The following HGD variants were observed in gnomAD, a reference collection of about 807,000 sequenced individuals.
The protein encoded by HGD is homogentisate oxidase.
A neutral mutation model predicts 60.8 loss-of-function variants in HGD; 61 were observed. That is an observed-to-expected ratio of 1.00 (90% CI 0.82 to 1.24). The LOEUF (loss-of-function observed/expected upper bound fraction) is 1.24, where lower values mean the gene tolerates loss of function less well. Among genes scored for constraint, HGD ranks in the 50% most tolerant of loss-of-function variants. HGD has a pLI of 0.00. For synonymous variants in HGD, 212 were observed against 187.7 expected (o/e 1.13, Z -1.06); for missense variants, 542 against 547.1 (o/e 0.99, Z 0.09).
Position 120,641,792 on chromosome 3 carries a change from T to C in HGD, c.775-99A>G, listed in dbSNP as rs967877166. 1.2e-5 allele frequency: 10 copies of C among 843,108 alleles called. No individual in the cohort carries two copies. The Admixed American group carries it at 1.8e-4, about 15-fold the overall frequency. The allele number at this position is 843,108 out of a possible 1,614,324, so 52.2% of individuals were successfully genotyped here. A position where few individuals can be genotyped will look rare whatever the true frequency, so the allele number is the denominator to read the frequency against. ...GAGTATACCTCTCTCTTCTTTTGATTTGATTTTGTTCTCGATTTAATTTTA... is the reference window on the plus strand; with the variant it reads ...GAGTATACCTCTCTCTTCTTTTGATCTGATTTTGTTCTCGATTTAATTTTA... On this transcript the variant is annotated intron_variant, in intron 10 of 13. Transcript: ENST00000283871.
intron 12 of HGD, among the ~76,000 whole-genome samples, chr3:120,634,537 C>G (rs759259319): frequency 1.3e-5 from 2 of 151,908 alleles, no homozygotes; most frequent in Non-Finnish European, 1.5e-5. Context: ...TAACATGAGA[C>G]AGAGATGAAT....
At chr3:120,671,872 C>T (rs1020758946) in intron 3 of HGD, among the ~76,000 whole-genome samples, 10 of 151,914 alleles carry the variant, frequency 6.6e-5, no homozygotes, top group African/African-American at 4.8e-5. Context: ...ATATTCTCAG[C>T]GAACTAAAGC....
chr3:120,643,869 C>G (rs1334238076), intron 10 of HGD, among the ~76,000 whole-genome samples: 2 of 152,162 alleles, frequency 1.3e-5, no homozygotes, highest in Non-Finnish European at 2.9e-5. Flanking sequence ...TAACTGAATT[C>G]TACTTGTTTT....
intron 3 of HGD, among the ~76,000 whole-genome samples, chr3:120,673,860 G>GCTATGAAATAC (rs1708073284): frequency 6.6e-6 from 1 of 152,128 alleles, no homozygotes; most frequent in East Asian, 1.9e-4. Flanking sequence ...CCTCACCACA[G>GCTATGAAATAC]CTATGAAATA....
chr3:120,633,111 C>G, intron 13 of HGD, 36 bp downstream of exon 13: 2 of 1,606,132 alleles, frequency 1.2e-6, no homozygotes, highest in Non-Finnish European at 1.7e-6. Flanking sequence ...GTGGGGAGTT[C>G]AGAGGCCGCT....
At chr3:120,675,218 C>T (rs766756700) in intron 2 of HGD, among the ~76,000 whole-genome samples, 7 of 152,068 alleles carry the variant, frequency 4.6e-5, no homozygotes, top group Admixed American at 2.6e-4. Context: ...CCCATTATCT[C>T]ACAACCAGAA....
intron 2 of HGD, 94 bp downstream of exon 2, chr3:120,675,698 G>T: frequency 2.2e-6 from 2 of 910,018 alleles, no homozygotes; most frequent in African/African-American, 1.6e-5. Context: ...AGGCTAGATT[G>T]GAAGAGCCAC....
intron 4 of HGD, among the ~76,000 whole-genome samples, chr3:120,661,062 TG>T (rs1707752213): frequency 6.6e-6 from 1 of 152,186 alleles, no homozygotes; most frequent in South Asian, 2.1e-4. Flanking sequence ...ATTTTAGAAG[TG>T]AAAAAACTGA....
chr3:120,671,537 G>A (rs1173774191), intron 3 of HGD, among the ~76,000 whole-genome samples: 1 of 152,176 alleles, frequency 6.6e-6, no homozygotes, highest in African/African-American at 2.4e-5. Context: ...TACACTGTTG[G>A]TGGGAATGTA....
intron 9 of HGD, among the ~76,000 whole-genome samples, chr3:120,646,031 G>A (rs1415387866): frequency 2.0e-5 from 3 of 152,006 alleles, no homozygotes; most frequent in East Asian, 1.9e-4. Flanking sequence ...ATTACATGCC[G>A]TCTTTATCTC....
chr3:120,628,302 C>T lies in HGD; in HGVS notation c.*78G>A. ...TTTTCATTTTAACCAACCCCCTCCTCCAATACTACCAGAAAGCATGAGATT... is the reference window on the plus strand; with the variant it reads ...TTTTCATTTTAACCAACCCCCTCCTTCAATACTACCAGAAAGCATGAGATT... On this transcript the variant is annotated 3_prime_UTR_variant, in exon 14 of 14. Coordinates refer to ENST00000283871, the MANE Select transcript of HGD (RefSeq NM_000187.4). 3 of 1,497,004 alleles carry T rather than the reference C, an allele frequency of 2.0e-6. No individual in the cohort carries two copies. In the South Asian group the frequency reaches 3.4e-5, roughly 17 times the overall value. 92.7% of individuals were successfully genotyped at this position (1,497,004 alleles called of 1,614,324 possible).
rs34214309 is a variant in HGD at position 120,638,490 on chromosome 3, A to AC, written c.970dup (p.Val324GlyfsTer3). ...AGGAGGCCTGAAGGTCTTATCAGCA[A>AC]CCCCCCATCGAGGTGGGAAGATGAC... On this transcript the variant is annotated frameshift_variant, in exon 12 of 14. Coordinates refer to ENST00000283871, the MANE Select transcript of HGD (RefSeq NM_000187.4). LOFTEE classifies it high-confidence loss of function. 1.9e-6 allele frequency: 3 copies of AC among 1,613,674 alleles called. No homozygotes were observed. Among genetic ancestry groups the AC allele is most frequent in the Non-Finnish European group, 2.5e-6 (3 of 1,179,882 alleles).
In HGD at chr3:120,650,851, C is replaced by T; in HGVS notation, c.357G>A (p.Leu119=). 2 of 1,613,896 alleles carry T rather than the reference C, an allele frequency of 1.2e-6. No homozygotes were observed. Among genetic ancestry groups the T allele is most frequent in the Non-Finnish European group, 1.7e-6 (2 of 1,179,768 alleles). The change falls in exon 6 of 14, where the codon TTG becomes TTA. Residue 119 remains leucine, a synonymous_variant. Coordinates refer to ENST00000283871, the MANE Select transcript of HGD (RefSeq NM_000187.4). ...TAGACTTTATGTCTCCAGCTCCACA[C>T]AAGGTATGCAGGCCCTGGGAGAGAC... The part of the protein sequence containing the change: ...KVDFVSGLHT[L]CGAGDIKSNN...
rs1576296225 is a variant in HGD, at chr3:120,646,858, C to G, written c.549+115G>C. On this transcript the variant is annotated intron_variant, in intron 8 of 13. Transcript: ENST00000283871. ...ACCTTCTGCATAACTCAGATTCCCT[C>G]CTCGTTGCCCAGACATGACAGAGAA... 4 of 870,076 alleles carry G rather than the reference C, an allele frequency of 4.6e-6. No homozygotes were observed. In the East Asian group the frequency reaches 9.7e-5, roughly 21 times the overall value. The allele number at this position is 870,076 out of a possible 1,614,324, so 53.9% of individuals were successfully genotyped here.
chr3:120,679,881 A>G (rs1352470517), intron 1 of HGD, among the ~76,000 whole-genome samples: 2 of 152,232 alleles, frequency 1.3e-5, no homozygotes, highest in African/African-American at 4.8e-5. Flanking sequence ...TGACCTCCAC[A>G]ACTTCAAGAT....
intron 3 of HGD, among the ~76,000 whole-genome samples, chr3:120,672,954 A>ATAGG (rs1277327617): frequency 1.3e-5 from 2 of 152,156 alleles, no homozygotes; most frequent in African/African-American, 2.4e-5. Context: ...TTAATCCCTG[A>ATAGG]TAGGTAGGTA....
At position 120,638,583 on chromosome 3, in the gene HGD, T is replaced by A; in HGVS notation, c.880-2A>T. 1 of 1,613,896 alleles carries A rather than the reference T, an allele frequency of 6.2e-7. No homozygotes were observed. The highest frequency in any genetic ancestry group is 8.5e-7 in the Non-Finnish European group (1 of 1,179,888). ...CAATACTGTGAAAATGGATGGGTCC[T>A]GTGAACACACAAGGAGAGACTGAAC... is the stretch of plus-strand genomic sequence containing the variant. On this transcript the variant is annotated splice_acceptor_variant, in intron 11 of 13. Transcript: ENST00000283871. LOFTEE classifies it high-confidence loss of function.
At chr3:120,656,294 A>G (rs1941492258) in intron 4 of HGD, among the ~76,000 whole-genome samples, 1 of 152,216 alleles carries the variant, frequency 6.6e-6, no homozygotes, top group South Asian at 2.1e-4. Context: ...GTATTTTGTT[A>G]TGGCAGCTTG....
chr3:120,643,814 T>C (rs756437865), intron 10 of HGD, among the ~76,000 whole-genome samples: 6 of 152,230 alleles, frequency 3.9e-5, no homozygotes, highest in Non-Finnish European at 8.8e-5. Flanking sequence ...CCTTTGCTTG[T>C]GTCCTGAATT....
Sources: allele counts gnomAD v4.1 joint callset (sites outside exome capture counted in the v4.1 genomes callset), GRCh38; gene constraint gnomAD v4.1.1; transcripts MANE v1.5; gene names NCBI Gene and HGNC (gene_info 2026-07-23, HGNC 2026-07-21).